The following CUL2 variants were observed in gnomAD, a reference collection of about 807,000 sequenced individuals.
CUL2 encodes cullin 2, also known as cullin-2.
Under a neutral mutation model 110.2 loss-of-function variants are expected in CUL2, and 22 were observed. The observed-to-expected ratio is 0.20, with a 90% confidence interval of 0.14 to 0.28. The LOEUF (loss-of-function observed/expected upper bound fraction) is 0.28. Among genes scored for constraint, CUL2 ranks in the 10% least tolerant of loss-of-function variants. The pLI is 1.00. For synonymous variants in CUL2, 279 were observed against 293.2 expected (o/e 0.95, Z 0.49); for missense variants, 631 against 905.5 (o/e 0.70, Z 3.89).
At position 35,049,482 on chromosome 10, in the gene CUL2, C is replaced by T. The variant is rs998617254; in HGVS notation, c.506+201G>A. On this transcript the variant is annotated intron_variant, in intron 6 of 20. Transcript: ENST00000374749. Reference sequence around the variant, plus strand: ...TAAGAAAAGACCAGAGCTCCCCCCACCAAAAAGAAAAAAAAAGAAAGAAGA... The same window carrying T: ...TAAGAAAAGACCAGAGCTCCCCCCATCAAAAAGAAAAAAAAAGAAAGAAGA... Among the ~76,000 whole-genome samples, 6 of 145,488 alleles carry T rather than the reference C, an allele frequency of 4.1e-5. No individual in the cohort carries two copies. The Admixed American group carries it at 4.1e-4, about 10-fold the overall frequency.
At chr10:35,113,306 GCCAACATGGTGAAATC>G (rs1422220741) in intron 1 of CUL2, among the ~76,000 whole-genome samples, 3 of 150,874 alleles carry the variant, frequency 2.0e-5, no homozygotes, top group Admixed American at 6.6e-5. Flanking sequence ...GACCAGCCTG[GCCAACATGGTGAAATC>G]CTGTCTCTAC....
chr10:35,092,654 T>C (rs988244306), upstream of CUL2, among the ~76,000 whole-genome samples: 2 of 152,226 alleles, frequency 1.3e-5, no homozygotes, highest in Admixed American at 1.3e-4. Context: ...AAGAGGAATC[T>C]GACCTCATTG....
At chr10:35,012,112 GACTC>G in intron 19 of CUL2, 148 bp from the exon 20 acceptor site, 1 of 577,254 alleles carries the variant, frequency 1.7e-6, no homozygotes. Context: ...GGAGTTCAGT[GACTC>G]GCTCTCAGCT....
chr10:35,038,407 TC>T lies in CUL2; in HGVS notation c.877+512del, dbSNP rs1254857338. ...CAGGTGTGGTGATGAGCGCCTGTAA[TC>T]CCAGCTACTCAGGAGTCTGAGGCAG... is the stretch of plus-strand genomic sequence containing the variant. On this transcript the variant is annotated intron_variant, in intron 9 of 20. Coordinates refer to ENST00000374749, the MANE Select transcript of CUL2 (RefSeq NM_003591.4). Among the ~76,000 whole-genome samples the T allele has an allele frequency of 5.4e-5, 8 of 147,570 alleles. No individual in the cohort carries two copies. The Admixed American group carries it at 5.5e-4, about 10-fold the overall frequency.
intron 1 of CUL2, among the ~76,000 whole-genome samples, chr10:35,102,530 C>G (rs2135110311): frequency 6.6e-6 from 1 of 151,966 alleles, no homozygotes; most frequent in East Asian, 1.9e-4. Context: ...TGAGACTGTT[C>G]CACTGCACTC....
chr10:35,039,782 G>C (rs777168262), intron 8 of CUL2, among the ~76,000 whole-genome samples: 45 of 152,186 alleles, frequency 3.0e-4, no homozygotes, highest in African/African-American at 1.1e-3. Flanking sequence ...TTCATCCCGG[G>C]AGGTGGGGGT....
chr10:35,020,166 T>A lies in CUL2; in HGVS notation c.1685-3772A>T, dbSNP rs565212575. Among the ~76,000 whole-genome samples the A allele has an allele frequency of 2.2e-3, 326 of 145,122 alleles. 1 individual carries two copies. Among genetic ancestry groups the A allele is most frequent in the African/African-American group, 4.2e-3 (167 of 39,338 alleles). ...ACATACAAGGAATAGAAAACAAATT[T>A]AAAAAAAAAAAAAATAAATCACAAA... On this transcript the variant is annotated intron_variant, in intron 17 of 20. Coordinates refer to ENST00000374749, the MANE Select transcript of CUL2 (RefSeq NM_003591.4).
chr10:35,064,954 C>A (rs1378846819), intron 2 of CUL2, among the ~76,000 whole-genome samples: 4 of 152,208 alleles, frequency 2.6e-5, no homozygotes, highest in African/African-American at 9.6e-5. Flanking sequence ...TCTCCCATTT[C>A]ATTCCATATA....
intron 1 of CUL2, among the ~76,000 whole-genome samples, chr10:35,117,262 G>A (rs1286463198): frequency 2.6e-5 from 4 of 152,166 alleles, no homozygotes; most frequent in Non-Finnish European, 5.9e-5. Flanking sequence ...GACTGGCAGA[G>A]CACTCAACTC....
At chr10:35,042,991 T>C (rs1368108369) in intron 8 of CUL2, among the ~76,000 whole-genome samples, 1 of 152,026 alleles carries the variant, frequency 6.6e-6, no homozygotes, top group Non-Finnish European at 1.5e-5. Context: ...GACACCTAGC[T>C]GGTGTCTGCT....
chr10:35,084,968 A>C (rs1277171646), intron 1 of CUL2, among the ~76,000 whole-genome samples: 1 of 151,808 alleles, frequency 6.6e-6, no homozygotes. Flanking sequence ...AAATACAAAA[A>C]AATTAGCTGG....
chr10:35,044,408 T>C (rs1279216681), intron 8 of CUL2, among the ~76,000 whole-genome samples, 158 bp downstream of exon 8: 1 of 152,194 alleles, frequency 6.6e-6, no homozygotes, highest in Non-Finnish European at 1.5e-5. Flanking sequence ...TCAATCGATA[T>C]TATATAATAA....
chr10:35,088,774 C>T (rs191608985), intron 1 of CUL2, among the ~76,000 whole-genome samples: 30 of 152,180 alleles, frequency 2.0e-4, no homozygotes, highest in African/African-American at 6.0e-4. Context: ...GGAGAACATC[C>T]AAATACTCAA....
rs563317098 is a variant in CUL2, at chr10:35,050,006, T to C, written c.424-241A>G. On this transcript the variant is annotated intron_variant, in intron 5 of 20. Coordinates refer to ENST00000374749, the MANE Select transcript of CUL2 (RefSeq NM_003591.4). ...AGGTTTTATTATTAGTTGAAAATCT[T>C]AAGAAATAATTGATTATTATAAAAC... 3.3e-5 allele frequency among the ~76,000 whole-genome samples: 5 copies of C among 152,308 alleles called. No homozygotes were observed. In the East Asian group the frequency reaches 9.6e-4, roughly 29 times the overall value.
chr10:35,025,193 T>C lies in CUL2; in HGVS notation c.1623A>G (p.Glu541=). Residue 541 remains glutamate (E), a synonymous_variant, in exon 17 of 21, where the codon GAA becomes GAG. Coordinates refer to ENST00000374749, the MANE Select transcript of CUL2 (RefSeq NM_003591.4). ...CACTGAAATGTTGGCTATAAAATAATTCAAACTGTAAAAAAAAAAAAAAAA... is the reference window on the plus strand; with the variant it reads ...CACTGAAATGTTGGCTATAAAATAACTCAAACTGTAAAAAAAAAAAAAAAA... ...QELEKSVQMF[E]LFYSQHFSGR... 8 of 1,547,562 alleles carry C rather than the reference T, an allele frequency of 5.2e-6. No individual in the cohort carries two copies. Among genetic ancestry groups the C allele is most frequent in the Admixed American group, 2.1e-5 (1 of 46,686 alleles).
At chr10:35,100,242 A>G (rs2087358473) in intron 2 of CUL2, among the ~76,000 whole-genome samples, 1 of 152,198 alleles carries the variant, frequency 6.6e-6, no homozygotes, top group Non-Finnish European at 1.5e-5. Context: ...CAAAGAAAAA[A>G]CATTCACAAT....
intron 5 of CUL2, among the ~76,000 whole-genome samples, chr10:35,051,976 C>G (rs1025154483): frequency 6.6e-6 from 1 of 152,156 alleles, no homozygotes; most frequent in African/African-American, 2.4e-5. Flanking sequence ...AGGTAATAGG[C>G]ATATGTGTGG....
At chr10:35,037,704 G>T (rs535862789) in intron 9 of CUL2, among the ~76,000 whole-genome samples, 50 of 152,182 alleles carry the variant, frequency 3.3e-4, no homozygotes, top group African/African-American at 1.2e-3. Flanking sequence ...TTAGCCAGGT[G>T]TGGGGGCGGA....
intron 9 of CUL2, 37 bp from the exon 10 acceptor site, chr10:35,035,333 A>T: frequency 6.2e-7 from 1 of 1,607,282 alleles, no homozygotes; most frequent in Non-Finnish European, 8.5e-7. Context: ...TAACTCCCAA[A>T]TATTTTCATT....
Sources: allele counts gnomAD v4.1 joint callset (sites outside exome capture counted in the v4.1 genomes callset), GRCh38; gene constraint gnomAD v4.1.1; transcripts MANE v1.5; gene names NCBI Gene and HGNC (gene_info 2026-07-23, HGNC 2026-07-21).